Variants in TJP1 observed in about 807,000 individuals in gnomAD.
TJP1 encodes tight junction protein ZO-1.
In TJP1, 43 loss-of-function variants were observed where a neutral mutation model predicts 194.2. That is an observed-to-expected ratio of 0.22 (90% CI 0.17 to 0.29). TJP1 has a LOEUF of 0.29. Ranked by LOEUF, TJP1 falls within the 10% of genes least tolerant of loss-of-function variation. TJP1 has a pLI of 1.00. For synonymous variants in TJP1, 801 were observed against 779.0 expected, an observed-to-expected ratio of 1.03 and a Z score of -0.47; for missense variants, 1,971 against 2,185.7, an observed-to-expected ratio of 0.90 and a Z score of 1.96.
At chr15:29,890,767 G>C (rs1038248575) in intron 2 of TJP1, among the ~76,000 whole-genome samples, 9 of 151,272 alleles carry the variant, frequency 5.9e-5, no homozygotes, top group African/African-American at 2.2e-4. Flanking sequence ...ATGGGGGAAA[G>C]GTAATCTTAT....
Position 29,967,175 on chromosome 15 carries a change from G to A in TJP1, c.173+1492C>T, listed in dbSNP as rs150353418. Among the ~76,000 whole-genome samples, 114 of 151,914 alleles carry A rather than the reference G, an allele frequency of 7.5e-4. 1 individual carries two copies. The highest frequency in any genetic ancestry group is 2.2e-3 in the African/African-American group (90 of 41,440). On this transcript the variant is annotated intron_variant, in intron 1 of 28. Coordinates refer to the TJP1 transcript ENST00000356107. ...ATTACAGCCACACACCACCATGCCC[G>A]GGTAATTTTGTATTTTTTTGGTTTA...
At chr15:29,790,823 A>G (rs2048031273) in intron 2 of TJP1, among the ~76,000 whole-genome samples, 1 of 140,098 alleles carries the variant, frequency 7.1e-6, no homozygotes, top group Non-Finnish European at 1.5e-5. Context: ...GGCTTATTTC[A>G]TTTAACGTAA....
intron 1 of TJP1, among the ~76,000 whole-genome samples, chr15:29,965,915 T>C (rs1021494512): frequency 6.6e-6 from 1 of 152,170 alleles, no homozygotes; most frequent in Non-Finnish European, 1.5e-5. Context: ...TTATCTAAGA[T>C]CATGGAAAAG....
At chr15:29,720,828 A>C (rs1339749872) in intron 18 of TJP1, 120 bp from the exon 19 acceptor site, 3 of 787,886 alleles carry the variant, frequency 3.8e-6, no homozygotes, top group Non-Finnish European at 5.9e-6. Context: ...CTACTTCTTG[A>C]AACTTCTGGT....
chr15:29,748,546 T>C (rs1471388516), intron 8 of TJP1, among the ~76,000 whole-genome samples: 4 of 150,844 alleles, frequency 2.7e-5, no homozygotes, highest in Non-Finnish European at 5.9e-5. Flanking sequence ...ATCACATTTT[T>C]CCCAAACCTT....
At chr15:29,756,762 G>C (rs1043443761) in intron 8 of TJP1, among the ~76,000 whole-genome samples, 1 of 152,146 alleles carries the variant, frequency 6.6e-6, no homozygotes, top group Non-Finnish European at 1.5e-5. Context: ...CTCTACACCA[G>C]TAAGGTCAAA....
At chr15:29,779,241 G>A (rs976151693) in intron 2 of TJP1, among the ~76,000 whole-genome samples, 3 of 152,164 alleles carry the variant, frequency 2.0e-5, no homozygotes, top group African/African-American at 7.2e-5. Flanking sequence ...TTTGATGTCA[G>A]AGGGCCAAAA....
intron 11 of TJP1, among the ~76,000 whole-genome samples, chr15:29,734,869 A>G (rs2043923370): frequency 6.6e-6 from 1 of 152,176 alleles, no homozygotes; most frequent in Non-Finnish European, 1.5e-5. Flanking sequence ...AACAGAAACA[A>G]ATAAAGTGAG....
chr15:29,944,702 A>C (rs1241237947), intron 2 of TJP1, among the ~76,000 whole-genome samples: 1 of 152,190 alleles, frequency 6.6e-6, no homozygotes, highest in Non-Finnish European at 1.5e-5. Flanking sequence ...TTTTAAATCA[A>C]TCGGATTTTA....
At chr15:29,852,219 C>T (rs2051669232) in intron 2 of TJP1, among the ~76,000 whole-genome samples, 1 of 152,012 alleles carries the variant, frequency 6.6e-6, no homozygotes, top group Non-Finnish European at 1.5e-5. Context: ...ATTTGTAAAC[C>T]ACATATCTGA....
At chr15:29,762,982 T>C (rs931423642) in intron 5 of TJP1, among the ~76,000 whole-genome samples, 4 of 152,198 alleles carry the variant, frequency 2.6e-5, no homozygotes, top group Admixed American at 1.3e-4. Context: ...ATGACTATTA[T>C]CATGCATATA....
At chr15:29,780,400 T>G (rs1462894232) in intron 2 of TJP1, among the ~76,000 whole-genome samples, 1 of 151,948 alleles carries the variant, frequency 6.6e-6, no homozygotes, top group Non-Finnish European at 1.5e-5. Flanking sequence ...GGGTTCACAC[T>G]CCTGTGAGAA....
rs531182946 is a variant in TJP1, at chr15:29,967,382, C to A, written c.173+1285G>T. On this transcript the variant is annotated intron_variant, in intron 1 of 28. Transcript: ENST00000356107. ...ATAAATTTATTTAAAAAAAAAAAAC[C>A]AAACTGGTGGGGGCAGAAAGACACT... 4.9e-3 allele frequency among the ~76,000 whole-genome samples: 718 copies of A among 146,646 alleles called. 3 individuals are homozygous for A. Among genetic ancestry groups the A allele is most frequent in the Non-Finnish European group, 7.4e-3 (499 of 67,284 alleles).
intron 25 of TJP1, among the ~76,000 whole-genome samples, chr15:29,708,116 A>C (rs2042010332): frequency 6.6e-6 from 1 of 151,928 alleles, no homozygotes; most frequent in Non-Finnish European, 1.5e-5. Context: ...GAATTGCCTG[A>C]ACCCAGGGGG....
intron 2 of TJP1, among the ~76,000 whole-genome samples, chr15:29,846,509 A>G (rs569936514): frequency 1.1e-4 from 16 of 152,288 alleles, no homozygotes; most frequent in Admixed American, 4.6e-4. Flanking sequence ...AATGACAAGC[A>G]GAGAGAGCAA....
chr15:29,837,494 G>T, intron 2 of TJP1, among the ~76,000 whole-genome samples: 1 of 152,096 alleles, frequency 6.6e-6, no homozygotes, highest in East Asian at 1.9e-4. Flanking sequence ...GGAGGCGGAG[G>T]TTGTGGTGAG....
chr15:29,809,573 C>G (rs925117122), intron 1 of TJP1, among the ~76,000 whole-genome samples: 2 of 152,092 alleles, frequency 1.3e-5, no homozygotes, highest in Admixed American at 1.3e-4. Flanking sequence ...TGGCTGGGCG[C>G]GGTGGCTCAC....
chr15:29,896,518 T>C (rs2053481629), intron 2 of TJP1, among the ~76,000 whole-genome samples: 1 of 152,170 alleles, frequency 6.6e-6, no homozygotes, highest in Non-Finnish European at 1.5e-5. Flanking sequence ...AGTGGAGTGC[T>C]GCTGAAAAGA....
intron 1 of TJP1, among the ~76,000 whole-genome samples, chr15:29,958,793 C>G (rs1227760432): frequency 6.6e-6 from 1 of 152,166 alleles, no homozygotes; most frequent in Non-Finnish European, 1.5e-5. Flanking sequence ...CTCCACATCC[C>G]TACAAAAAGC....
Sources: gnomAD v4.1 joint callset for allele counts (sites outside exome capture counted in the v4.1 genomes callset) on GRCh38, gnomAD v4.1.1 for gene constraint, MANE v1.5 for transcripts, NCBI Gene and HGNC (gene_info 2026-07-23, HGNC 2026-07-21) for gene names.